CERS3: variants seen among roughly 807,000 people sequenced by gnomAD.
CERS3 encodes ceramide synthase 3.
CERS3 carries 33 observed loss-of-function variants against 50.3 expected under a neutral mutation model. The ratio of observed to expected loss-of-function variants is 0.66; its 90% confidence interval spans 0.50 to 0.88. The LOEUF (loss-of-function observed/expected upper bound fraction) is 0.88, where lower values mean the gene tolerates loss of function less well. CERS3 is among the 40% of genes least tolerant of loss of function. The pLI, the probability that CERS3 is intolerant of heterozygous loss-of-function variation, is 0.00. For missense variants in CERS3, 470 were observed against 460.3 expected, an observed-to-expected ratio of 1.02 and a Z score of -0.19; for synonymous variants, 176 against 155.2, an observed-to-expected ratio of 1.13 and a Z score of -0.99.
rs1567582978 is a variant in CERS3, at chr15:100,402,581, A to G, written c.*132T>C. ...AAGTTAACAACATTTTGGTAAACAC[A>G]TCTTAGGTGGGAGGGAAGGCGGTGG... On this transcript the variant is annotated 3_prime_UTR_variant, in exon 12 of 12. Coordinates refer to ENST00000679737, the MANE Select transcript of CERS3 (RefSeq NM_001378789.1). 7 of 833,460 alleles carry G rather than the reference A, an allele frequency of 8.4e-6. No individual in the cohort carries two copies. The highest frequency in any genetic ancestry group is 1.3e-5 in the Non-Finnish European group (7 of 540,550). The allele number at this position is 833,460 out of a possible 1,614,324, so 51.6% of individuals were successfully genotyped here.
rs1489454798 is a variant in CERS3 at position 100,491,701 on chromosome 15, CTG to C, written c.174-772_174-771del. On this transcript the variant is annotated intron_variant, in intron 3 of 11. Coordinates refer to ENST00000679737, the MANE Select transcript of CERS3 (RefSeq NM_001378789.1). Reference sequence around the variant, plus strand: ...TCATTTTAAATATAGGTGTTTGCAGCTGTAAGTTTCCCTTCAAACACTGCTAT... The same window carrying C: ...TCATTTTAAATATAGGTGTTTGCAGCTAAGTTTCCCTTCAAACACTGCTAT... Among the ~76,000 whole-genome samples the C allele has an allele frequency of 2.6e-5, 4 of 152,180 alleles. No homozygotes were observed. In the East Asian group the frequency reaches 7.7e-4, roughly 29 times the overall value.
chr15:100,460,008 A>T (rs12906249), intron 10 of CERS3, among the ~76,000 whole-genome samples: 71,958 of 151,948 alleles, frequency 0.47, 17,680 homozygotes, highest in Non-Finnish European at 0.55. Context: ...TATACTAAAG[A>T]TATCAACACT....
At chr15:100,404,895 G>A (rs2030869177) in intron 11 of CERS3, among the ~76,000 whole-genome samples, 1 of 152,168 alleles carries the variant, frequency 6.6e-6, no homozygotes, top group African/African-American at 2.4e-5. Context: ...TCAACAAATG[G>A]TCAGAGCAAC....
At chr15:100,472,848 C>G in intron 9 of CERS3, 76 bp downstream of exon 9, 1 of 1,575,992 alleles carries the variant, frequency 6.3e-7, no homozygotes, top group Non-Finnish European at 8.7e-7. Context: ...CTAAATTGCT[C>G]ACAATTACTT....
chr15:100,476,199 C>A, intron 7 of CERS3, 21 bp from the exon 8 acceptor site: 3 of 1,500,454 alleles, frequency 2.0e-6, no homozygotes, highest in East Asian at 2.5e-5. Context: ...GAAGAGTATT[C>A]ATTACTTTAA....
chr15:100,506,203 G>C (rs965493186), intron 2 of CERS3, among the ~76,000 whole-genome samples: 1 of 152,130 alleles, frequency 6.6e-6, no homozygotes, highest in African/African-American at 2.4e-5. Context: ...TCTGAGAAGG[G>C]ACTTGTGGTT....
At chr15:100,503,904 G>A in intron 2 of CERS3, 1 of 364,038 alleles carries the variant, frequency 2.7e-6, no homozygotes, top group South Asian at 2.0e-5. Flanking sequence ...AAGTGAGATT[G>A]ATGGGGAAGA....
intron 11 of CERS3, among the ~76,000 whole-genome samples, chr15:100,438,791 TC>T (rs1189234626): frequency 6.6e-6 from 1 of 152,040 alleles, no homozygotes; most frequent in Non-Finnish European, 1.5e-5. Context: ...ATGCTACAGT[TC>T]CCCCCGCACG....
chr15:100,411,782 T>C lies in CERS3; in HGVS notation c.1000-8917A>G, dbSNP rs532386993. ...TTCCATCAACACTTGTTATGTTCGG[T>C]TTTTTTAATAGTAACCCTCCTAATA... On this transcript the variant is annotated intron_variant, in intron 11 of 11. Coordinates refer to ENST00000679737, the MANE Select transcript of CERS3 (RefSeq NM_001378789.1). Among the ~76,000 whole-genome samples, 109 of 151,682 alleles carry C rather than the reference T, an allele frequency of 7.2e-4. 1 individual carries two copies. The highest frequency in any genetic ancestry group is 2.5e-3 in the African/African-American group (101 of 41,024).
chr15:100,476,955 G>A (rs1283632438), intron 7 of CERS3, among the ~76,000 whole-genome samples: 2 of 152,150 alleles, frequency 1.3e-5, no homozygotes, highest in African/African-American at 2.4e-5. Context: ...CTGCTGAAGA[G>A]GCCACAAAGA....
intron 11 of CERS3, among the ~76,000 whole-genome samples, chr15:100,431,847 T>C (rs1481326646): frequency 3.9e-5 from 6 of 152,216 alleles, no homozygotes; most frequent in Non-Finnish European, 8.8e-5. Context: ...GTAGTCAACA[T>C]AGCTAGCATG....
At chr15:100,468,467 T>C (rs981421029) in intron 10 of CERS3, among the ~76,000 whole-genome samples, 10 of 152,202 alleles carry the variant, frequency 6.6e-5, no homozygotes, top group Non-Finnish European at 1.2e-4. Context: ...GGAAAGGGCA[T>C]TGACCTCTCT....
chr15:100,448,479 A>G (rs1248124779), intron 11 of CERS3, among the ~76,000 whole-genome samples: 4 of 152,148 alleles, frequency 2.6e-5, no homozygotes, highest in Non-Finnish European at 4.4e-5. Flanking sequence ...GAGGCTCTCA[A>G]CTCTCACAGG....
intron 8 of CERS3, among the ~76,000 whole-genome samples, chr15:100,475,135 G>C (rs2035086757): frequency 6.6e-6 from 1 of 152,086 alleles, no homozygotes; most frequent in Non-Finnish European, 1.5e-5. Flanking sequence ...ATTAAATTTT[G>C]ATGTATTCCT....
upstream of CERS3, among the ~76,000 whole-genome samples, chr15:100,531,621 G>T (rs778865868): frequency 2.0e-5 from 3 of 152,096 alleles, no homozygotes; most frequent in Non-Finnish European, 4.4e-5. Flanking sequence ...TTTCTTACTT[G>T]TGCCTCACCA....
chr15:100,445,612 C>T (rs2033901476), intron 11 of CERS3, among the ~76,000 whole-genome samples: 1 of 152,138 alleles, frequency 6.6e-6, no homozygotes, highest in Non-Finnish European at 1.5e-5. Context: ...AATATCACCC[C>T]TTACCACAAA....
rs560554278 is a variant in CERS3 at position 100,421,211 on chromosome 15, A to G, written c.1000-18346T>C. The stretch of plus-strand genomic sequence containing the variant: ...ATTGTCTCAGCCCAAAATCTCCTTA[A>G]GCTGATAAGCAACTTCAGCAAAGTC... On this transcript the variant is annotated intron_variant, in intron 11 of 11. Transcript: ENST00000679737. 1.8e-4 allele frequency among the ~76,000 whole-genome samples: 28 copies of G among 151,552 alleles called. No individual in the cohort carries two copies. The East Asian group carries it at 5.4e-3, about 29-fold the overall frequency.
At chr15:100,419,965 C>G (rs1283048758) in intron 11 of CERS3, among the ~76,000 whole-genome samples, 1 of 147,972 alleles carries the variant, frequency 6.8e-6, no homozygotes, top group Admixed American at 6.8e-5. Flanking sequence ...ACTAAATGCC[C>G]ACAAGAGAAA....
intron 11 of CERS3, among the ~76,000 whole-genome samples, chr15:100,417,747 C>G (rs959659807): frequency 6.6e-6 from 1 of 152,018 alleles, no homozygotes. Context: ...AACGGGCAGA[C>G]TGCCTCCTCA....
Sources: gnomAD v4.1 joint callset for allele counts (sites outside exome capture counted in the v4.1 genomes callset) on GRCh38, gnomAD v4.1.1 for gene constraint, MANE v1.5 for transcripts, NCBI Gene and HGNC (gene_info 2026-07-23, HGNC 2026-07-21) for gene names.